STXBP5: variants seen among roughly 807,000 people sequenced by gnomAD.
STXBP5 encodes the protein syntaxin binding protein 5.
In STXBP5, 50 loss-of-function variants were observed where a neutral mutation model predicts 152.4. The ratio of observed to expected loss-of-function variants is 0.33; its 90% confidence interval spans 0.26 to 0.42. STXBP5 has a LOEUF of 0.42. Among genes scored for constraint, STXBP5 ranks in the 10% least tolerant of loss-of-function variants. The probability of loss-of-function intolerance (pLI) is 1.00; values close to 1 mark genes in which losing one functional copy is unlikely to be tolerated. For synonymous variants in STXBP5, 492 were observed against 494.7 expected, an observed-to-expected ratio of 0.99 and a Z score of 0.07; for missense variants, 1,167 against 1,388.6, an observed-to-expected ratio of 0.84 and a Z score of 2.54.
At chr6:147,289,478 A>T (rs1458470232) in intron 8 of STXBP5, among the ~76,000 whole-genome samples, 1 of 152,160 alleles carries the variant, frequency 6.6e-6, no homozygotes, top group African/African-American at 2.4e-5. Context: ...GATAGACTTG[A>T]TTATTTAGAT....
At chr6:147,247,793 A>G (rs1424242024) in intron 4 of STXBP5, among the ~76,000 whole-genome samples, 1 of 152,228 alleles carries the variant, frequency 6.6e-6, no homozygotes, top group African/African-American at 2.4e-5. Flanking sequence ...GGTACTCAGC[A>G]AAACACTCTT....
chr6:147,310,260 C>T (rs1323365293), intron 10 of STXBP5, 22 bp downstream of exon 10: 8 of 1,515,252 alleles, frequency 5.3e-6, no homozygotes, highest in Non-Finnish European at 7.0e-6. Context: ...AACTTTAAAG[C>T]TCATTCTCTA....
At chr6:147,287,466 T>A (rs1781039577) in intron 8 of STXBP5, among the ~76,000 whole-genome samples, 1 of 152,022 alleles carries the variant, frequency 6.6e-6, no homozygotes, top group African/African-American at 2.4e-5. Context: ...CCTCCCAAAG[T>A]GCTGGGATTA....
Position 147,337,168 on chromosome 6 carries a change from G to GAT in STXBP5, c.2147-1999_2147-1998dup, listed in dbSNP as rs1400819072. ...GAATTTTTTTAGTACTGCATGCAAA[G>GAT]ATATATATATATACACATACATAGA... On this transcript the variant is annotated intron_variant, in intron 19 of 27. Transcript: ENST00000321680. Among the ~76,000 whole-genome samples the GAT allele has an allele frequency of 1.5e-3, 141 of 97,018 alleles. 1 individual carries two copies. The highest frequency in any genetic ancestry group is 1.8e-3 in the Non-Finnish European group (85 of 47,390). 63.6% of individuals were successfully genotyped at this position (97,018 alleles called of 152,430 possible). A position where few individuals can be genotyped will look rare whatever the true frequency, so the allele number is the denominator to read the frequency against.
chr6:147,358,350 G>C (rs1247013763), intron 22 of STXBP5, among the ~76,000 whole-genome samples: 2 of 152,134 alleles, frequency 1.3e-5, no homozygotes, highest in South Asian at 4.1e-4. Context: ...CCAAAGGAAG[G>C]CACAGTACCA....
At chr6:147,381,118 C>T (rs1420823853) in intron 26 of STXBP5, among the ~76,000 whole-genome samples, 1 of 152,074 alleles carries the variant, frequency 6.6e-6, no homozygotes, top group Non-Finnish European at 1.5e-5. Context: ...AACCCTGCCC[C>T]CATGATTCAG....
At chr6:147,364,887 T>C (rs1785225545) in intron 25 of STXBP5, among the ~76,000 whole-genome samples, 1 of 152,158 alleles carries the variant, frequency 6.6e-6, no homozygotes, top group South Asian at 2.1e-4. Context: ...AAATTTGAAT[T>C]TGTGGCTTAT....
intron 26 of STXBP5, among the ~76,000 whole-genome samples, chr6:147,380,656 G>A: frequency 6.6e-6 from 1 of 151,610 alleles, no homozygotes; most frequent in Admixed American, 6.6e-5. Flanking sequence ...AAAAAAAAAA[G>A]ATTGATTGGA....
intron 16 of STXBP5, among the ~76,000 whole-genome samples, chr6:147,321,973 G>GT (rs1196162475): frequency 6.6e-6 from 1 of 151,934 alleles, no homozygotes; most frequent in Non-Finnish European, 1.5e-5. Context: ...ACTTAAGAAC[G>GT]TTTTTTTGTT....
chr6:147,342,091 A>C (rs937677006), intron 21 of STXBP5, among the ~76,000 whole-genome samples: 3 of 152,194 alleles, frequency 2.0e-5, no homozygotes, highest in Non-Finnish European at 2.9e-5. Flanking sequence ...CAGAAAACTA[A>C]AGGATTCAAA....
At chr6:147,246,349 G>A (rs1036719716) in intron 4 of STXBP5, among the ~76,000 whole-genome samples, 1 of 152,172 alleles carries the variant, frequency 6.6e-6, no homozygotes, top group Admixed American at 6.5e-5. Flanking sequence ...CTAATGATAT[G>A]TGAAGCTTTT....
chr6:147,307,255 A>G (rs1244496779), intron 9 of STXBP5, among the ~76,000 whole-genome samples: 1 of 152,228 alleles, frequency 6.6e-6, no homozygotes, highest in Non-Finnish European at 1.5e-5. Context: ...TTCCAAAATG[A>G]GAAGGGTCTT....
At position 147,386,712 on chromosome 6, in the gene STXBP5, C is replaced by T. The variant is rs904085523; in HGVS notation, c.*1957C>T. The T allele has an allele frequency of 6.6e-6, 1 of 151,734 alleles. No homozygotes were observed. Among genetic ancestry groups the T allele is most frequent in the African/African-American group, 2.4e-5 (1 of 41,392 alleles). The allele number at this position is 151,734 out of a possible 1,614,324, so 9.4% of individuals were successfully genotyped here. A position where few individuals can be genotyped will look rare whatever the true frequency, so the allele number is the denominator to read the frequency against. On this transcript the variant is annotated 3_prime_UTR_variant, in exon 28 of 28. Coordinates refer to ENST00000321680, the MANE Select transcript of STXBP5 (RefSeq NM_001127715.4). ...GTAAACCCATAGTTCCATGATATGTCACAGGAATTGTTAGGTCCTATTTTA... is the reference window on the plus strand; with the variant it reads ...GTAAACCCATAGTTCCATGATATGTTACAGGAATTGTTAGGTCCTATTTTA...
At chr6:147,352,619 A>C (rs777774952) in intron 21 of STXBP5, among the ~76,000 whole-genome samples, 1 of 152,124 alleles carries the variant, frequency 6.6e-6, no homozygotes, top group Non-Finnish European at 1.5e-5. Flanking sequence ...CAATTTAAAA[A>C]AAAGAAGAAT....
chr6:147,322,792 T>A (rs967842189), intron 16 of STXBP5, among the ~76,000 whole-genome samples: 6 of 152,286 alleles, frequency 3.9e-5, no homozygotes, highest in South Asian at 2.1e-4. Context: ...TCACATTTTT[T>A]AAAAAAATGT....
intron 2 of STXBP5, among the ~76,000 whole-genome samples, chr6:147,234,740 A>G (rs953957111): frequency 2.6e-5 from 4 of 152,000 alleles, no homozygotes; most frequent in Non-Finnish European, 4.4e-5. Flanking sequence ...AATTAGAAAC[A>G]TAGTTATGTG....
chr6:147,210,532 A>G (rs1345162916), intron 2 of STXBP5, among the ~76,000 whole-genome samples: 1 of 152,040 alleles, frequency 6.6e-6, no homozygotes, highest in Non-Finnish European at 1.5e-5. Flanking sequence ...GGGCAGAATA[A>G]TTCTGTGGGT....
chr6:147,241,833 G>A (rs2115221363), intron 4 of STXBP5, among the ~76,000 whole-genome samples: 1 of 152,168 alleles, frequency 6.6e-6, no homozygotes. Flanking sequence ...CTAACCTATT[G>A]TGCTACCAGT....
intron 2 of STXBP5, among the ~76,000 whole-genome samples, chr6:147,210,270 T>A (rs1776780298): frequency 6.6e-6 from 1 of 152,144 alleles, no homozygotes; most frequent in Non-Finnish European, 1.5e-5. Flanking sequence ...GGCAAAGAAG[T>A]GGCAGAGAAA....
Sources: allele counts gnomAD v4.1 joint callset (sites outside exome capture counted in the v4.1 genomes callset), GRCh38; gene constraint gnomAD v4.1.1; transcripts MANE v1.5; gene names NCBI Gene and HGNC (gene_info 2026-07-23, HGNC 2026-07-21).